KCNIP4: variants seen among roughly 807,000 people sequenced by gnomAD.
KCNIP4 encodes potassium voltage-gated channel interacting protein 4.
Under a neutral mutation model 34.0 loss-of-function variants are expected in KCNIP4, and 12 were observed. The ratio of observed to expected loss-of-function variants is 0.35; its 90% confidence interval spans 0.23 to 0.57. The LOEUF is 0.57. Among genes scored for constraint, KCNIP4 ranks in the 20% least tolerant of loss-of-function variants. The pLI is 0.83. For missense variants in KCNIP4, 238 were observed against 311.7 expected (o/e 0.76, Z 1.78); for synonymous variants, 124 against 102.2 (o/e 1.21, Z -1.29).
At chr4:21,938,122 T>G (rs1417513627) in intron 1 of KCNIP4, among the ~76,000 whole-genome samples, 2 of 152,124 alleles carry the variant, frequency 1.3e-5, no homozygotes, top group South Asian at 2.1e-4. Context: ...TCTCCCTGCC[T>G]GAAACATTCA....
intron 1 of KCNIP4, among the ~76,000 whole-genome samples, chr4:21,088,014 T>C (rs550796788): frequency 3.9e-5 from 6 of 152,278 alleles, no homozygotes; most frequent in Non-Finnish European, 7.4e-5. Context: ...TAAATGTTCA[T>C]CGCCTGGACA....
intron 1 of KCNIP4, among the ~76,000 whole-genome samples, chr4:21,859,771 G>A (rs1269382436): frequency 6.6e-6 from 1 of 152,220 alleles, no homozygotes; most frequent in East Asian, 1.9e-4. Flanking sequence ...GCTCATGCCT[G>A]TAATCCCAGC....
chr4:20,781,718 T>A (rs1988547), intron 3 of KCNIP4, among the ~76,000 whole-genome samples: 4 of 152,080 alleles, frequency 2.6e-5, no homozygotes, highest in African/African-American at 9.6e-5. Flanking sequence ...TATGGGAGTA[T>A]AATTCAAGAT....
intron 1 of KCNIP4, among the ~76,000 whole-genome samples, chr4:21,468,798 C>G (rs949050766): frequency 1.3e-5 from 2 of 152,100 alleles, no homozygotes; most frequent in East Asian, 1.9e-4. Flanking sequence ...AAAGCAAAAC[C>G]CTGTTTCGCT....
At chr4:21,155,745 T>A (rs1419099862) in intron 1 of KCNIP4, among the ~76,000 whole-genome samples, 1 of 152,134 alleles carries the variant, frequency 6.6e-6, no homozygotes, top group East Asian at 1.9e-4. Context: ...TTCTGAGAGA[T>A]GTTACCAGGT....
At chr4:21,672,964 A>G (rs1749618670) in intron 1 of KCNIP4, among the ~76,000 whole-genome samples, 1 of 152,236 alleles carries the variant, frequency 6.6e-6, no homozygotes, top group African/African-American at 2.4e-5. Context: ...GGAGACAGTG[A>G]CATGGCTCCT....
intron 4 of KCNIP4, among the ~76,000 whole-genome samples, chr4:20,758,009 C>T (rs1200669523): frequency 6.6e-6 from 1 of 152,140 alleles, no homozygotes; most frequent in Non-Finnish European, 1.5e-5. Context: ...TGTCCATCTG[C>T]TACACTAGGT....
At chr4:21,605,069 G>A (rs114551479) in intron 1 of KCNIP4, among the ~76,000 whole-genome samples, 65 of 152,288 alleles carry the variant, frequency 4.3e-4, no homozygotes, top group Middle Eastern at 3.4e-3. Flanking sequence ...GATTCTTGCG[G>A]GCTGGTCACT....
intron 1 of KCNIP4, among the ~76,000 whole-genome samples, chr4:21,204,071 T>C (rs958728918): frequency 2.6e-5 from 4 of 152,188 alleles, no homozygotes; most frequent in Non-Finnish European, 5.9e-5. Context: ...TCCTGGAATG[T>C]GCCCCAGTCG....
chr4:21,208,373 T>C (rs930518394), intron 1 of KCNIP4, among the ~76,000 whole-genome samples: 3 of 152,182 alleles, frequency 2.0e-5, no homozygotes, highest in Admixed American at 6.5e-5. Context: ...AGTGGGTCAA[T>C]GCAGTCTTTG....
intron 1 of KCNIP4, among the ~76,000 whole-genome samples, chr4:21,124,755 G>A (rs2109147096): frequency 6.6e-6 from 1 of 152,196 alleles, no homozygotes; most frequent in Admixed American, 6.5e-5. Context: ...CAGTGCAGCT[G>A]ACATAGTATT....
At chr4:21,469,694 T>C (rs544489687) in intron 1 of KCNIP4, among the ~76,000 whole-genome samples, 21 of 152,286 alleles carry the variant, frequency 1.4e-4, no homozygotes, top group African/African-American at 4.8e-4. Flanking sequence ...TTTTTTCCAC[T>C]GAAATACCAG....
At chr4:21,923,508 G>C (rs559182905) in intron 1 of KCNIP4, among the ~76,000 whole-genome samples, 1 of 152,188 alleles carries the variant, frequency 6.6e-6, no homozygotes, top group South Asian at 2.1e-4. Context: ...TTGAATCCAG[G>C]AGGTAGAGAT....
At chr4:20,978,844 C>A (rs551968577) in intron 1 of KCNIP4, among the ~76,000 whole-genome samples, 54 of 152,248 alleles carry the variant, frequency 3.5e-4, no homozygotes, top group African/African-American at 1.2e-3. Flanking sequence ...CAGCAACTAT[C>A]TTTAATTGAT....
At chr4:21,179,647 T>A (rs908476026) in intron 1 of KCNIP4, among the ~76,000 whole-genome samples, 2 of 152,218 alleles carry the variant, frequency 1.3e-5, no homozygotes, top group African/African-American at 4.8e-5. Flanking sequence ...CATGTGGGTG[T>A]TATGCATTGA....
chr4:21,356,380 C>G (rs149060192), intron 1 of KCNIP4, among the ~76,000 whole-genome samples: 3 of 152,032 alleles, frequency 2.0e-5, no homozygotes, highest in Admixed American at 1.3e-4. Context: ...TCAAATTGTC[C>G]CTGTTTGCAG....
chr4:21,598,414 T>G (rs1742825222), intron 1 of KCNIP4, among the ~76,000 whole-genome samples: 1 of 152,144 alleles, frequency 6.6e-6, no homozygotes, highest in Admixed American at 6.6e-5. Flanking sequence ...CAGTCTCTGA[T>G]GCAATACTCA....
chr4:21,580,696 C>T (rs774936586), intron 1 of KCNIP4, among the ~76,000 whole-genome samples: 27 of 152,064 alleles, frequency 1.8e-4, no homozygotes, highest in Non-Finnish European at 2.6e-4. Flanking sequence ...ACACATTTAA[C>T]GCACACCATT....
At chr4:21,055,614 C>A (rs1028407652) in intron 1 of KCNIP4, among the ~76,000 whole-genome samples, 1 of 152,150 alleles carries the variant, frequency 6.6e-6, no homozygotes, top group African/African-American at 2.4e-5. Flanking sequence ...TAACAAGCCA[C>A]AACCAATATG....
Sources: allele counts gnomAD v4.1 joint callset (sites outside exome capture counted in the v4.1 genomes callset), GRCh38; gene constraint gnomAD v4.1.1; transcripts MANE v1.5; gene names NCBI Gene and HGNC (gene_info 2026-07-23, HGNC 2026-07-21).